The following TAL2 variants were observed in gnomAD, a reference collection of about 807,000 sequenced individuals.
The protein encoded by TAL2 is T-cell acute lymphocytic leukemia protein 2.
For missense variants in TAL2, 114 were observed against 129.6 expected, an observed-to-expected ratio of 0.88 and a Z score of 0.58; for synonymous variants, 48 against 52.4, an observed-to-expected ratio of 0.92 and a Z score of 0.36.
At position 105,662,564 on chromosome 9, in the gene TAL2, C is replaced by A. The variant is rs201877401; in HGVS notation, c.68C>A (p.Ala23Asp). ...WRQQNVNSAF[A>D]KLRKLIPTHP... Reference sequence around the variant, plus strand: ...CAGCAGAATGTCAACAGCGCCTTTGCCAAGCTGAGGAAGCTCATCCCCACT... The same window carrying A: ...CAGCAGAATGTCAACAGCGCCTTTGACAAGCTGAGGAAGCTCATCCCCACT... The change falls in exon 1 of 1, where the codon GCC becomes GAC. Residue 23 changes from alanine (A) to aspartate (D), a missense_variant. Coordinates refer to ENST00000334077, the MANE Select transcript of TAL2 (RefSeq NM_005421.3). The A allele has an allele frequency of 6.2e-6, 10 of 1,613,878 alleles. No individual in the cohort carries two copies. The highest frequency in any genetic ancestry group is 8.5e-6 in the Non-Finnish European group (10 of 1,179,928).
Position 105,663,072 on chromosome 9 carries a change from G to T in TAL2, c.*249G>T. 2.7e-6 allele frequency: 1 copy of T among 375,064 alleles called. No homozygotes were observed. 23.2% of individuals were successfully genotyped at this position (375,064 alleles called of 1,614,324 possible). ...TCTGCCTATTTTAAATCCAGGTTCTGCATAAGACTTTTGGAGAAAAAATTC... is the reference window on the plus strand; with the variant it reads ...TCTGCCTATTTTAAATCCAGGTTCTTCATAAGACTTTTGGAGAAAAAATTC... On this transcript the variant is annotated 3_prime_UTR_variant, in exon 1 of 1. Coordinates refer to ENST00000334077, the MANE Select transcript of TAL2 (RefSeq NM_005421.3).
At position 105,662,568 on chromosome 9, in the gene TAL2, G is replaced by C. The variant is rs767468251; in HGVS notation, c.72G>C (p.Lys24Asn). The C allele has an allele frequency of 1.2e-6, 2 of 1,613,898 alleles. No homozygotes were observed. Among genetic ancestry groups the C allele is most frequent in the South Asian group, 2.2e-5 (2 of 91,028 alleles). The change falls in exon 1 of 1, where the codon AAG becomes AAC. Residue 24 changes from lysine to asparagine, a missense_variant. Lys to Asn is a moderately conservative substitution (Grantham distance 94). Transcript: ENST00000334077. ...AGAATGTCAACAGCGCCTTTGCCAA[G>C]CTGAGGAAGCTCATCCCCACTCACC... Reference protein sequence around the residue: ...RQQNVNSAFAKLRKLIPTHPP... With the variant: ...RQQNVNSAFANLRKLIPTHPP...
Position 105,662,784 on chromosome 9 carries a change from C to G in TAL2, c.288C>G (p.Tyr96Ter). 2.6e-6 allele frequency: 4 copies of G among 1,528,170 alleles called. No individual in the cohort carries two copies. Among genetic ancestry groups the G allele is most frequent in the South Asian group, 1.3e-5 (1 of 74,788 alleles). 94.7% of individuals were successfully genotyped at this position (1,528,170 alleles called of 1,614,324 possible). A position where few individuals can be genotyped will look rare whatever the true frequency, so the allele number is the denominator to read the frequency against. ...AGGACAGAACTCTGCTTGAGAACTA[C>G]CAGGTTCCTTCACCTGGTCCAAGCC... Reference protein sequence around the residue: ...GLEDRTLLENYQVPSPGPSHH... With the variant: ...GLEDRTLLEN The change falls in exon 1 of 1, where the codon TAC becomes TAG. Residue 96 changes from tyrosine (Y) to a stop codon, truncating the protein, a stop_gained. Coordinates refer to ENST00000334077, the MANE Select transcript of TAL2 (RefSeq NM_005421.3). LOFTEE classifies it high-confidence loss of function.
Position 105,662,548 on chromosome 9 carries a change from G to T in TAL2, c.52G>T (p.Val18Phe). 1 of 1,613,590 alleles carries T rather than the reference G, an allele frequency of 6.2e-7. No homozygotes were observed. Among genetic ancestry groups the T allele is most frequent in the Non-Finnish European group, 8.5e-7 (1 of 1,179,836 alleles). Residue 18 changes from valine to phenylalanine, a missense_variant, in exon 1 of 1, where the codon GTC (valine) becomes TTC (phenylalanine). Physicochemically the swap from Val to Phe is conservative, Grantham distance 50 (BLOSUM62 -1). Coordinates refer to ENST00000334077, the MANE Select transcript of TAL2 (RefSeq NM_005421.3). Reference sequence around the variant, plus strand: ...CAGGGAGCGGTGGAGGCAGCAGAATGTCAACAGCGCCTTTGCCAAGCTGAG... The same window carrying T: ...CAGGGAGCGGTGGAGGCAGCAGAATTTCAACAGCGCCTTTGCCAAGCTGAG... The part of the protein sequence containing the change: ...NTRERWRQQN[V>F]NSAFAKLRKL...
rs753257078 is a variant in TAL2 at position 105,662,803 on chromosome 9, C to G, written c.307C>G (p.Pro103Ala). ...LENYQVPSPG[P>A]SHHIP ...GAACTACCAGGTTCCTTCACCTGGT[C>G]CAAGCCACCACATTCCTTAGTGTGG... The change falls in exon 1 of 1, where the codon CCA (proline) becomes GCA (alanine). Residue 103 changes from proline (P) to alanine (A), a missense_variant. Coordinates refer to ENST00000334077, the MANE Select transcript of TAL2 (RefSeq NM_005421.3). 4.0e-6 allele frequency: 6 copies of G among 1,512,030 alleles called. No individual in the cohort carries two copies. The highest frequency in any genetic ancestry group is 2.8e-5 in the South Asian group (2 of 71,904). 93.7% of individuals were successfully genotyped at this position (1,512,030 alleles called of 1,614,324 possible). A position where few individuals can be genotyped will look rare whatever the true frequency, so the allele number is the denominator to read the frequency against.
In TAL2 at chr9:105,662,533, T is replaced by C. The variant is rs202057369; in HGVS notation, c.37T>C (p.Trp13Arg). 40 of 1,612,298 alleles carry C rather than the reference T, an allele frequency of 2.5e-5. No homozygotes were observed. In the East Asian group the frequency reaches 8.7e-4, roughly 35 times the overall value. ...GATCTTCACAAATACCAGGGAGCGG[T>C]GGAGGCAGCAGAATGTCAACAGCGC... ...RKIFTNTRERWRQQNVNSAFA... is the reference protein window; with the variant it reads ...RKIFTNTRERRRQQNVNSAFA... The change falls in exon 1 of 1, where the codon TGG (tryptophan) becomes CGG (arginine). Residue 13 changes from tryptophan (W) to arginine (R), a missense_variant. Physicochemically the swap from Trp to Arg is moderately radical, Grantham distance 101. Transcript: ENST00000334077.
Position 105,662,566 on chromosome 9 carries a change from A to AAGATG in TAL2, c.72_73insATGAG (p.Leu25MetfsTer3). Reference sequence around the variant, plus strand: ...GCAGAATGTCAACAGCGCCTTTGCCAAGCTGAGGAAGCTCATCCCCACTCA... The same window carrying AAGATG: ...GCAGAATGTCAACAGCGCCTTTGCCAAGATGAGCTGAGGAAGCTCATCCCCACTCA... On this transcript the variant is annotated frameshift_variant, in exon 1 of 1. Coordinates refer to ENST00000334077, the MANE Select transcript of TAL2 (RefSeq NM_005421.3). LOFTEE classifies it high-confidence loss of function. The AAGATG allele has an allele frequency of 6.2e-7, 1 of 1,614,046 alleles. No homozygotes were observed. Among genetic ancestry groups the AAGATG allele is most frequent in the Non-Finnish European group, 8.5e-7 (1 of 1,179,990 alleles).
At position 105,662,590 on chromosome 9, in the gene TAL2, C is replaced by T. The variant is rs891272539; in HGVS notation, c.94C>T (p.His32Tyr). 6.2e-7 allele frequency: 1 copy of T among 1,614,130 alleles called. No homozygotes were observed. Among genetic ancestry groups the T allele is most frequent in the Non-Finnish European group, 8.5e-7 (1 of 1,180,004 alleles). Reference sequence around the variant, plus strand: ...CAAGCTGAGGAAGCTCATCCCCACTCACCCTCCAGACAAAAAGCTGAGCAA... The same window carrying T: ...CAAGCTGAGGAAGCTCATCCCCACTTACCCTCCAGACAAAAAGCTGAGCAA... ...FAKLRKLIPT[H>Y]PPDKKLSKNE... Residue 32 changes from histidine to tyrosine, a missense_variant, in exon 1 of 1, where the codon CAC becomes TAC. Physicochemically the swap from His to Tyr is moderately conservative, Grantham distance 83. Transcript: ENST00000334077.
chr9:105,663,100 AAT>A lies in TAL2; in HGVS notation c.*279_*280del. The stretch of plus-strand genomic sequence containing the variant: ...TAAGACTTTTGGAGAAAAAATTCTA[AAT>A]AAAAAAAAAAAAAGGCTGAAAATCA... On this transcript the variant is annotated 3_prime_UTR_variant, in exon 1 of 1. Transcript: ENST00000334077. 3.0e-6 allele frequency: 1 copy of A among 335,214 alleles called. No individual in the cohort carries two copies. The allele number at this position is 335,214 out of a possible 1,614,324, so 20.8% of individuals were successfully genotyped here.
chr9:105,663,112 A>G lies in TAL2; in HGVS notation c.*289A>G, dbSNP rs1834860615. 3.1e-6 allele frequency: 1 copy of G among 321,152 alleles called. No homozygotes were observed. Among genetic ancestry groups the G allele is most frequent in the South Asian group, 1.6e-4 (1 of 6,254 alleles). 19.9% of individuals were successfully genotyped at this position (321,152 alleles called of 1,614,324 possible). ...AGAAAAAATTCTAAATAAAAAAAAA[A>G]AAAGGCTGAAAATCACTGTTTATAC... On this transcript the variant is annotated 3_prime_UTR_variant, in exon 1 of 1. Coordinates refer to ENST00000334077, the MANE Select transcript of TAL2 (RefSeq NM_005421.3).
chr9:105,662,818 C>A lies in TAL2; in HGVS notation c.322C>A (p.Pro108Thr). The A allele has an allele frequency of 6.7e-7, 1 of 1,499,380 alleles. No homozygotes were observed. Among genetic ancestry groups the A allele is most frequent in the African/African-American group, 1.4e-5 (1 of 71,270 alleles). The allele number at this position is 1,499,380 out of a possible 1,614,324, so 92.9% of individuals were successfully genotyped here. ...TTCACCTGGTCCAAGCCACCACATT[C>A]CTTAGTGTGGCTCTGGCTGTCATCT... Reference protein sequence around the residue: ...VPSPGPSHHIP With the variant: ...VPSPGPSHHIT The change falls in exon 1 of 1, where the codon CCT (proline) becomes ACT (threonine). Residue 108 changes from proline (P) to threonine (T), a missense_variant. Physicochemically the swap from Pro to Thr is conservative, Grantham distance 38. Coordinates refer to ENST00000334077, the MANE Select transcript of TAL2 (RefSeq NM_005421.3).
Position 105,662,811 on chromosome 9 carries a change from C to A in TAL2, c.315C>A (p.His105Gln). The A allele has an allele frequency of 2.7e-6, 4 of 1,507,462 alleles. No homozygotes were observed. The highest frequency in any genetic ancestry group is 3.5e-6 in the Non-Finnish European group (4 of 1,129,858). The allele number at this position is 1,507,462 out of a possible 1,614,324, so 93.4% of individuals were successfully genotyped here. A position where few individuals can be genotyped will look rare whatever the true frequency, so the allele number is the denominator to read the frequency against. ...NYQVPSPGPS[H>Q]HIP ...AGGTTCCTTCACCTGGTCCAAGCCA[C>A]CACATTCCTTAGTGTGGCTCTGGCT... is the stretch of plus-strand genomic sequence containing the variant. Residue 105 changes from histidine to glutamine, a missense_variant, in exon 1 of 1, where the codon CAC becomes CAA. His to Gln is a conservative substitution (Grantham distance 24). Coordinates refer to ENST00000334077, the MANE Select transcript of TAL2 (RefSeq NM_005421.3).
At position 105,662,580 on chromosome 9, in the gene TAL2, C is replaced by T. The variant is rs765518830; in HGVS notation, c.84C>T (p.Leu28=). The change falls in exon 1 of 1, where the codon CTC becomes CTT. Residue 28 remains leucine (L), a synonymous_variant. Coordinates refer to ENST00000334077, the MANE Select transcript of TAL2 (RefSeq NM_005421.3). ...GCGCCTTTGCCAAGCTGAGGAAGCT[C>T]ATCCCCACTCACCCTCCAGACAAAA... is the stretch of plus-strand genomic sequence containing the variant. ...VNSAFAKLRK[L]IPTHPPDKKL... 12 of 1,614,092 alleles carry T rather than the reference C, an allele frequency of 7.4e-6. No homozygotes were observed. Among genetic ancestry groups the T allele is most frequent in the East Asian group, 4.5e-5 (2 of 44,876 alleles).
At position 105,662,941 on chromosome 9, in the gene TAL2, T is replaced by A. The variant is rs563011001; in HGVS notation, c.*118T>A. The A allele has an allele frequency of 7.9e-5, 66 of 838,630 alleles. 2 individuals carry two copies. In the South Asian group the frequency reaches 3.0e-3, roughly 39 times the overall value. 51.9% of individuals were successfully genotyped at this position (838,630 alleles called of 1,614,324 possible). ...TAACTCGTGAAGCATGAATTCTAGC[T>A]TCCTGGGAGGTGGCTCAGAGACAGC... On this transcript the variant is annotated 3_prime_UTR_variant, in exon 1 of 1. Transcript: ENST00000334077.
rs747565547 is a variant in TAL2, at chr9:105,662,619, T to A, written c.123T>A (p.Asn41Lys). Residue 41 changes from asparagine (N) to lysine (K), a missense_variant, in exon 1 of 1, where the codon AAT (asparagine) becomes AAA (lysine). Physicochemically the swap from Asn to Lys is moderately conservative, Grantham distance 94. Transcript: ENST00000334077. ...THPPDKKLSKNETLRLAMRYI... is the reference protein window; with the variant it reads ...THPPDKKLSKKETLRLAMRYI... ...CTCCAGACAAAAAGCTGAGCAAAAA[T>A]GAAACGCTTCGCCTGGCAATGAGGT... The A allele has an allele frequency of 6.2e-7, 1 of 1,613,826 alleles. No individual in the cohort carries two copies. The highest frequency in any genetic ancestry group is 8.5e-7 in the Non-Finnish European group (1 of 1,179,920).
In TAL2 at chr9:105,662,884, G is replaced by C. The variant is rs1225637011; in HGVS notation, c.*61G>C. The C allele has an allele frequency of 7.6e-7, 1 of 1,323,592 alleles. No homozygotes were observed. Among genetic ancestry groups the C allele is most frequent in the Non-Finnish European group, 1.0e-6 (1 of 1,001,384 alleles). The allele number at this position is 1,323,592 out of a possible 1,614,324, so 82.0% of individuals were successfully genotyped here. On this transcript the variant is annotated 3_prime_UTR_variant, in exon 1 of 1. Transcript: ENST00000334077. Reference sequence around the variant, plus strand: ...GCCCAGAAATCACTGCCTGTGGACAGACTTTTGCATGTTCCAGAGTTGACC... The same window carrying C: ...GCCCAGAAATCACTGCCTGTGGACACACTTTTGCATGTTCCAGAGTTGACC...
Position 105,662,694 on chromosome 9 carries a change from G to A in TAL2, c.198G>A (p.Thr66=), listed in dbSNP as rs886776632. Reference sequence around the variant, plus strand: ...TGGGGGAGCAAAGCCTGCAACAAACGGGAGTGGCTGCTCAGGGGAACATTC... The same window carrying A: ...TGGGGGAGCAAAGCCTGCAACAAACAGGAGTGGCTGCTCAGGGGAACATTC... ...KVLGEQSLQQ[T]GVAAQGNILG... The change falls in exon 1 of 1, where the codon ACG becomes ACA. Residue 66 remains threonine (T), a synonymous_variant. Coordinates refer to ENST00000334077, the MANE Select transcript of TAL2 (RefSeq NM_005421.3). 31 of 1,612,564 alleles carry A rather than the reference G, an allele frequency of 1.9e-5. No individual in the cohort carries two copies. Among genetic ancestry groups the A allele is most frequent in the East Asian group, 2.2e-5 (1 of 44,852 alleles).
rs1834858692 is a variant in TAL2, at chr9:105,662,960, A to G, written c.*137A>G. 2 of 661,994 alleles carry G rather than the reference A, an allele frequency of 3.0e-6. No individual in the cohort carries two copies. 41.0% of individuals were successfully genotyped at this position (661,994 alleles called of 1,614,324 possible). A position where few individuals can be genotyped will look rare whatever the true frequency, so the allele number is the denominator to read the frequency against. ...TCTAGCTTCCTGGGAGGTGGCTCAG[A>G]GACAGCTGCAGGGAGCTGAAAGAAG... On this transcript the variant is annotated 3_prime_UTR_variant, in exon 1 of 1. Coordinates refer to ENST00000334077, the MANE Select transcript of TAL2 (RefSeq NM_005421.3).
At position 105,663,101 on chromosome 9, in the gene TAL2, A is replaced by G. The variant is rs7027450; in HGVS notation, c.*278A>G. 0.24 allele frequency: 80,374 copies of G among 332,446 alleles called. 11,815 individuals carry two copies. Among genetic ancestry groups the G allele is most frequent in the East Asian group, 0.43 (8,743 of 20,502 alleles). 20.6% of individuals were successfully genotyped at this position (332,446 alleles called of 1,614,324 possible). On this transcript the variant is annotated 3_prime_UTR_variant, in exon 1 of 1. Coordinates refer to ENST00000334077, the MANE Select transcript of TAL2 (RefSeq NM_005421.3). ...AAGACTTTTGGAGAAAAAATTCTAA[A>G]TAAAAAAAAAAAAAGGCTGAAAATC...
Sources: gnomAD v4.1 joint callset for allele counts on GRCh38, gnomAD v4.1.1 for gene constraint, MANE v1.5 for transcripts, NCBI Gene and HGNC (gene_info 2026-07-23, HGNC 2026-07-21) for gene names.